The following EML1 variants were observed in gnomAD, a reference collection of about 807,000 sequenced individuals.
EML1 encodes echinoderm microtubule-associated protein-like 1.
A neutral mutation model predicts 110.4 loss-of-function variants in EML1; 27 were observed. The ratio of observed to expected loss-of-function variants is 0.24; its 90% CI spans 0.18 to 0.34. EML1 has a LOEUF of 0.34. Among genes scored for constraint, EML1 ranks in the 10% least tolerant of loss-of-function variants. EML1 has a pLI of 1.00. For synonymous variants in EML1, 344 were observed against 385.8 expected (o/e 0.89, Z 1.27); for missense variants, 741 against 1,030.9 (o/e 0.72, Z 3.85).
At chr14:99,932,512 G>A (rs1282994291) in intron 17 of EML1, among the ~76,000 whole-genome samples, 2 of 151,966 alleles carry the variant, frequency 1.3e-5, no homozygotes, top group South Asian at 2.1e-4. Flanking sequence ...GGTGGCAGGC[G>A]CCTGTAATCC....
At position 99,793,450 on chromosome 14, in the gene EML1, G is replaced by A; in HGVS notation, c.-27G>A. The A allele has an allele frequency of 9.6e-7, 1 of 1,041,388 alleles. No homozygotes were observed. Among genetic ancestry groups the A allele is most frequent in the Non-Finnish European group, 1.2e-6 (1 of 865,256 alleles). 64.5% of individuals were successfully genotyped at this position (1,041,388 alleles called of 1,614,324 possible). A position where few individuals can be genotyped will look rare whatever the true frequency, so the allele number is the denominator to read the frequency against. The stretch of plus-strand genomic sequence containing the variant: ...GCGGCGGCGGCGCGGCCGGGCCGGG[G>A]AGCGGGCGCGGCCCGGCGGCCTCAG... On this transcript the variant is annotated 5_prime_UTR_variant, in exon 1 of 22. Transcript: ENST00000262233.
chr14:99,910,174 G>T (rs144847149), intron 11 of EML1, 68 bp from the exon 12 acceptor site: 19 of 1,188,058 alleles, frequency 1.6e-5, no homozygotes, highest in African/African-American at 1.6e-4. Flanking sequence ...ACAAATGAAA[G>T]GTTGTCTGGA....
chr14:99,743,474 G>T lies in EML1; in HGVS notation c.28+5614G>T, dbSNP rs373004718. Among the ~76,000 whole-genome samples, 3 of 152,272 alleles carry T rather than the reference G, an allele frequency of 2.0e-5. 1 individual carries two copies. Among genetic ancestry groups the T allele is most frequent in the African/African-American group, 7.2e-5 (3 of 41,560 alleles). On this transcript the variant is annotated intron_variant, in intron 1 of 10. Coordinates refer to the EML1 transcript ENST00000554479. ...GATGTTGTTAGGCATGTCCAGGTGC[G>T]GCTGGATCCTTCAGTACTGTGCGAT...
At chr14:99,823,354 CA>C (rs1410882749) in intron 1 of EML1, among the ~76,000 whole-genome samples, 1 of 152,060 alleles carries the variant, frequency 6.6e-6, no homozygotes, top group African/African-American at 2.4e-5. Context: ...CCCACTTAGC[CA>C]TCAGAACCAG....
At chr14:99,937,172 G>T (rs1166545528) in intron 19 of EML1, among the ~76,000 whole-genome samples, 2 of 152,222 alleles carry the variant, frequency 1.3e-5, no homozygotes, top group African/African-American at 4.8e-5. Flanking sequence ...GACCACTGGC[G>T]GCAGGGAAAG....
At chr14:99,820,230 C>CTAACACA (rs1215326828) in intron 1 of EML1, among the ~76,000 whole-genome samples, 1 of 152,186 alleles carries the variant, frequency 6.6e-6, no homozygotes, top group Non-Finnish European at 1.5e-5. Flanking sequence ...GGAGCAGGGG[C>CTAACACA]TAACACAGTA....
chr14:99,939,416 T>C lies in EML1; in HGVS notation c.2322+89T>C, dbSNP rs1595515717. ...TTGGAGACTAAGTGGAAATGGGCTG[T>C]GAGCGACTGCTGCCAGCCACAAAGG... On this transcript the variant is annotated intron_variant, in intron 21 of 21. Coordinates refer to ENST00000262233, the MANE Select transcript of EML1 (RefSeq NM_004434.3). The surrounding 1 kb of genome is among the most constrained non-coding windows in gnomAD (Gnocchi z 4.2). 2.6e-6 allele frequency: 4 copies of C among 1,559,674 alleles called. No individual in the cohort carries two copies. The South Asian group carries it at 4.8e-5, about 19-fold the overall frequency.
rs556603170 is a variant in EML1 at position 99,814,064 on chromosome 14, C to CA, written c.67+20522dup. Among the ~76,000 whole-genome samples the CA allele has an allele frequency of 2.1e-4, 32 of 152,224 alleles. No homozygotes were observed. In the South Asian group the frequency reaches 6.2e-3, roughly 30 times the overall value. On this transcript the variant is annotated intron_variant, in intron 1 of 21. Transcript: ENST00000262233. ...CTATGTATTTGTCACTGTATCCTTC[C>CA]ACGGTGTTTTATGCTATTGTAACTT...
chr14:99,834,540 T>C (rs2058509602), intron 1 of EML1, among the ~76,000 whole-genome samples: 2 of 152,124 alleles, frequency 1.3e-5, no homozygotes, highest in Admixed American at 1.3e-4. Context: ...GACCTCAGGT[T>C]ATGCACCCGT....
At chr14:99,870,339 T>C (rs2059175979) in intron 3 of EML1, among the ~76,000 whole-genome samples, 1 of 152,162 alleles carries the variant, frequency 6.6e-6, no homozygotes, top group Non-Finnish European at 1.5e-5. Context: ...AGAGGTTGGC[T>C]CATGAGGTTT....
intron 4 of EML1, chr14:99,885,771 G>A (rs995714683): frequency 1.0e-5 from 4 of 393,474 alleles, no homozygotes; most frequent in African/African-American, 2.1e-5. Flanking sequence ...AGGAGGAAGA[G>A]GGAAGCCATA....
chr14:99,796,689 A>C (rs1252121217), intron 1 of EML1, among the ~76,000 whole-genome samples: 2 of 151,364 alleles, frequency 1.3e-5, no homozygotes, highest in Admixed American at 6.6e-5. Context: ...AAAAAAAAAA[A>C]CCTGAAGTGT....
At chr14:99,883,940 C>T (rs1286775192) in intron 4 of EML1, among the ~76,000 whole-genome samples, 1 of 152,232 alleles carries the variant, frequency 6.6e-6, no homozygotes, top group East Asian at 1.9e-4. Context: ...TCTTTTTGCC[C>T]TGATCACTAT....
chr14:99,930,107 G>A (rs2060340072), intron 17 of EML1, among the ~76,000 whole-genome samples: 1 of 152,204 alleles, frequency 6.6e-6, no homozygotes. Context: ...GACTGGGGTT[G>A]TGGAGAGGAG....
At chr14:99,805,984 C>T (rs1351211529) in intron 1 of EML1, among the ~76,000 whole-genome samples, 2 of 152,158 alleles carry the variant, frequency 1.3e-5, no homozygotes, top group African/African-American at 4.8e-5. Context: ...CCCCCGCCAG[C>T]TCCTGGTCCA....
chr14:99,879,498 C>T (rs943603588), intron 4 of EML1, among the ~76,000 whole-genome samples: 1 of 152,148 alleles, frequency 6.6e-6, no homozygotes, highest in Non-Finnish European at 1.5e-5. Context: ...TCGACTCCAA[C>T]CCACAGGCTA....
At chr14:99,899,285 T>G (rs2059722158) in intron 8 of EML1, 1 of 152,060 alleles carries the variant, frequency 6.6e-6, no homozygotes, top group African/African-American at 2.4e-5. Flanking sequence ...AACATTGGAT[T>G]TTAAATATTA....
chr14:99,798,002 T>A (rs1178121563), intron 1 of EML1, among the ~76,000 whole-genome samples: 1 of 152,186 alleles, frequency 6.6e-6, no homozygotes, highest in Non-Finnish European at 1.5e-5. Context: ...GTTCAACCTG[T>A]GCATGAGCAT....
chr14:99,772,594 C>T (rs1225723176), upstream of EML1, among the ~76,000 whole-genome samples: 1 of 152,212 alleles, frequency 6.6e-6, no homozygotes, highest in Non-Finnish European at 1.5e-5. Flanking sequence ...CTCTCCAAAG[C>T]CCTCCAGGCA....
Sources: gnomAD v4.1 joint callset for allele counts (sites outside exome capture counted in the v4.1 genomes callset) on GRCh38, gnomAD v4.1.1 for gene constraint, Gnocchi (gnomAD v3.1) non-coding constraint, MANE v1.5 for transcripts, NCBI Gene and HGNC (gene_info 2026-07-23, HGNC 2026-07-21) for gene names.